Variants in TBCD observed in about 807,000 individuals in gnomAD.
TBCD encodes tubulin-specific chaperone D.
TBCD carries 105 observed loss-of-function variants against 169.3 expected under a neutral mutation model. That is an observed-to-expected ratio of 0.62 (90% CI 0.53 to 0.73). The LOEUF is 0.73. TBCD is among the 30% of genes least tolerant of loss of function. The pLI is 0.00. For missense variants in TBCD, 1,444 were observed against 1,600.1 expected (o/e 0.90, Z 1.66); for synonymous variants, 700 against 643.9 (o/e 1.09, Z -1.32).
intron 17 of TBCD, among the ~76,000 whole-genome samples, chr17:82,897,902 C>T (rs552931822): frequency 3.8e-4 from 58 of 151,140 alleles, no homozygotes; most frequent in African/African-American, 1.2e-3. Flanking sequence ...CTGTTCTCCC[C>T]GGCTGGTTTT....
intron 7 of TBCD, among the ~76,000 whole-genome samples, chr17:82,784,277 A>T (rs1442655219): frequency 6.6e-6 from 1 of 152,228 alleles, no homozygotes; most frequent in African/African-American, 2.4e-5. Context: ...TACCTGTCGT[A>T]CTGATGAAAT....
chr17:82,823,529 TCTCC>T (rs1017433946), intron 13 of TBCD, among the ~76,000 whole-genome samples: 15 of 151,956 alleles, frequency 9.9e-5, no homozygotes, highest in Non-Finnish European at 1.6e-4. Flanking sequence ...TCCGCCCTGC[TCTCC>T]CTCCCTCCCT....
At chr17:82,759,879 C>A (rs2047659465) in intron 2 of TBCD, among the ~76,000 whole-genome samples, 2 of 137,732 alleles carry the variant, frequency 1.5e-5, no homozygotes. Flanking sequence ...TGGGTCATTT[C>A]GTTTGTTTGT....
intron 13 of TBCD, among the ~76,000 whole-genome samples, chr17:82,862,417 A>G (rs2056846305): frequency 6.6e-6 from 1 of 152,010 alleles, no homozygotes; most frequent in Non-Finnish European, 1.5e-5. Flanking sequence ...ACCTTCACCC[A>G]GAGACCAGCC....
intron 14 of TBCD, among the ~76,000 whole-genome samples, chr17:82,875,622 G>A (rs1374312110): frequency 1.3e-5 from 2 of 152,160 alleles, no homozygotes; most frequent in Non-Finnish European, 2.9e-5. Flanking sequence ...AGGATCCGCC[G>A]AGGCCTGCAG....
At chr17:82,819,728 A>G (rs1294494350) in intron 13 of TBCD, among the ~76,000 whole-genome samples, 2 of 152,116 alleles carry the variant, frequency 1.3e-5, no homozygotes, top group African/African-American at 4.8e-5. Flanking sequence ...CTGTTTGAGG[A>G]CTACTGTTAA....
chr17:82,899,023 G>A (rs74000183), intron 17 of TBCD, among the ~76,000 whole-genome samples: 16,723 of 150,300 alleles, frequency 0.11, 1,217 homozygotes, highest in South Asian at 0.29. Flanking sequence ...GCTGCCCCTC[G>A]GGGAAGGTCG....
At position 82,913,754 on chromosome 17, in the gene TBCD, GCTCCAGAGTGAC is replaced by G. The variant is rs1291847273; in HGVS notation, c.2038+1967_2038+1978del. 3 of 152,396 alleles carry G rather than the reference GCTCCAGAGTGAC, an allele frequency of 2.0e-5. No individual in the cohort carries two copies. The East Asian group carries it at 5.8e-4, about 29-fold the overall frequency. The allele number at this position is 152,396 out of a possible 1,614,324, so 9.4% of individuals were successfully genotyped here. On this transcript the variant is annotated intron_variant, in intron 23 of 38. Coordinates refer to ENST00000355528, the MANE Select transcript of TBCD (RefSeq NM_005993.5). ...GGGCAGCCACATTGATGTCCCCCAG[GCTCCAGAGTGAC>G]CGCCCCTTAGGGGTCCTGCTGGGCG...
At chr17:82,772,611 C>A in intron 6 of TBCD, 104 bp downstream of exon 6, 1 of 1,247,438 alleles carries the variant, frequency 8.0e-7, no homozygotes, top group Non-Finnish European at 1.2e-6. Flanking sequence ...GACGAAGGAC[C>A]CCGGGAAGTC....
chr17:82,906,608 C>T (rs989439765), intron 20 of TBCD, among the ~76,000 whole-genome samples: 7 of 152,202 alleles, frequency 4.6e-5, no homozygotes, highest in Non-Finnish European at 1.0e-4. Context: ...TCTTCCCAGT[C>T]GAGTCTTCCT....
At chr17:82,797,471 C>T (rs758163648) in intron 7 of TBCD, among the ~76,000 whole-genome samples, 4 of 152,044 alleles carry the variant, frequency 2.6e-5, no homozygotes, top group Admixed American at 6.6e-5. Flanking sequence ...AACCTGGGCA[C>T]GTTTTGTGAT....
chr17:82,813,842 G>C (rs535853222), intron 12 of TBCD, among the ~76,000 whole-genome samples: 1 of 152,208 alleles, frequency 6.6e-6, no homozygotes, highest in Admixed American at 6.5e-5. Context: ...TGAGGAGCCC[G>C]CTGGTGGACG....
intron 29 of TBCD, 73 bp downstream of exon 29, chr17:82,927,396 G>T (rs2061845869): frequency 2.1e-5 from 32 of 1,529,986 alleles, no homozygotes; most frequent in Non-Finnish European, 2.8e-5. Context: ...GAGGCCCCGG[G>T]CTTTTCTGCA....
chr17:82,800,615 C>G (rs1055675909), intron 8 of TBCD, among the ~76,000 whole-genome samples: 4 of 152,130 alleles, frequency 2.6e-5, no homozygotes, highest in African/African-American at 9.7e-5. Flanking sequence ...GTGCTGCCCC[C>G]CTTCAGATTG....
At chr17:82,936,999 G>T (rs972679759) in intron 34 of TBCD, among the ~76,000 whole-genome samples, 1 of 152,212 alleles carries the variant, frequency 6.6e-6, no homozygotes, top group East Asian at 1.9e-4. Flanking sequence ...GGAAAGGGAG[G>T]TGGGGCCCCG....
intron 36 of TBCD, 131 bp downstream of exon 36, chr17:82,938,267 G>A: frequency 9.7e-7 from 1 of 1,030,718 alleles, no homozygotes. Context: ...GCGCCTGGGT[G>A]ACGACGCGTC....
At chr17:82,823,162 G>A (rs1185656237) in intron 13 of TBCD, among the ~76,000 whole-genome samples, 2 of 152,226 alleles carry the variant, frequency 1.3e-5, no homozygotes, top group East Asian at 1.9e-4. Flanking sequence ...TGGTAGAGCC[G>A]TTGGGGCTCA....
Position 82,768,435 on chromosome 17 carries a change from T to C in TBCD, c.451T>C (p.Tyr151His). 6.2e-7 allele frequency: 1 copy of C among 1,614,002 alleles called. No individual in the cohort carries two copies. The highest frequency in any genetic ancestry group is 8.5e-7 in the Non-Finnish European group (1 of 1,179,894). Residue 151 changes from tyrosine (Y) to histidine (H), a missense_variant, in exon 5 of 39, where the codon TAC (tyrosine) becomes CAC (histidine). Tyr to His is a moderately conservative substitution (Grantham distance 83). Transcript: ENST00000355528. The part of the protein sequence containing the change: ...PKDHEAWETR[Y>H]MLLLWLSVTC... ...AATTTTTTAGGCTTGGGAAACCCGC[T>C]ACATGCTTTTGCTCTGGCTCTCCGT...
At chr17:82,796,415 A>G (rs1481785286) in intron 7 of TBCD, among the ~76,000 whole-genome samples, 1 of 152,256 alleles carries the variant, frequency 6.6e-6, no homozygotes, top group Non-Finnish European at 1.5e-5. Context: ...GTTTTGGGCA[A>G]ACAAGGATCA....
Sources: allele counts gnomAD v4.1 joint callset (sites outside exome capture counted in the v4.1 genomes callset), GRCh38; gene constraint gnomAD v4.1.1; transcripts MANE v1.5; gene names NCBI Gene and HGNC (gene_info 2026-07-23, HGNC 2026-07-21).